The following DLG2 variants were observed in gnomAD, a reference collection of about 807,000 sequenced individuals.
DLG2 encodes disks large homolog 2.
A neutral mutation model predicts 132.5 loss-of-function variants in DLG2; 45 were observed. That is an observed-to-expected ratio of 0.34 (90% CI 0.27 to 0.44). The LOEUF is 0.44. Ranked by LOEUF, DLG2 falls within the 20% of genes least tolerant of loss-of-function variation. The pLI is 1.00. For missense variants in DLG2, 1,045 were observed against 1,196.9 expected (o/e 0.87, Z 1.87); for synonymous variants, 424 against 419.6 (o/e 1.01, Z -0.13).
intron 5 of DLG2, among the ~76,000 whole-genome samples, chr11:85,151,701 C>G (rs911632923): frequency 2.0e-5 from 3 of 152,098 alleles, no homozygotes; most frequent in Admixed American, 2.0e-4. Context: ...GCCATACATG[C>G]AAGGGTCTAT....
At chr11:83,769,532 G>C (rs1161530648) in intron 18 of DLG2, among the ~76,000 whole-genome samples, 1 of 151,456 alleles carries the variant, frequency 6.6e-6, no homozygotes, top group African/African-American at 2.4e-5. Context: ...GTTAGGGAAG[G>C]CTTCCTAGAG....
At chr11:85,558,731 G>A (rs1396858164) in intron 3 of DLG2, among the ~76,000 whole-genome samples, 2 of 151,770 alleles carry the variant, frequency 1.3e-5, no homozygotes, top group Non-Finnish European at 1.5e-5. Context: ...ATACATAGGA[G>A]CTGAATATTG....
intron 18 of DLG2, among the ~76,000 whole-genome samples, chr11:83,775,486 T>C (rs1411052863): frequency 6.6e-6 from 1 of 152,316 alleles, no homozygotes. Context: ...ATAACCTATA[T>C]CACAAGTTTT....
At chr11:85,062,936 A>G (rs1377382499) in intron 6 of DLG2, among the ~76,000 whole-genome samples, 5 of 151,822 alleles carry the variant, frequency 3.3e-5, no homozygotes, top group Non-Finnish European at 7.4e-5. Flanking sequence ...CTCTGCCAGC[A>G]GAGGTGGGGA....
At chr11:84,317,339 C>T (rs778144312) in intron 7 of DLG2, 4 of 1,406,468 alleles carry the variant, frequency 2.8e-6, no homozygotes, top group Non-Finnish European at 3.7e-6. Context: ...GCATTATCTG[C>T]GGGCTGGTAG....
chr11:83,559,261 T>C (rs1317363793), intron 19 of DLG2, among the ~76,000 whole-genome samples: 2 of 152,152 alleles, frequency 1.3e-5, no homozygotes, highest in Non-Finnish European at 2.9e-5. Flanking sequence ...TGCTTGGGTG[T>C]GCAGGGGGGA....
At chr11:84,669,027 T>C (rs1017615106) in intron 6 of DLG2, among the ~76,000 whole-genome samples, 6 of 151,960 alleles carry the variant, frequency 3.9e-5, no homozygotes, top group Admixed American at 2.6e-4. Flanking sequence ...GTATATCTGG[T>C]CTTGAGAAAT....
intron 4 of DLG2, among the ~76,000 whole-genome samples, chr11:85,163,986 G>C (rs559632646): frequency 2.6e-5 from 4 of 152,136 alleles, no homozygotes; most frequent in Non-Finnish European, 5.9e-5. Flanking sequence ...TTATTCCCCA[G>C]ATTGAAGCTT....
intron 22 of DLG2, among the ~76,000 whole-genome samples, chr11:83,477,787 C>T (rs2092737189): frequency 1.3e-5 from 2 of 151,888 alleles, no homozygotes; most frequent in South Asian, 4.1e-4. Context: ...ATAATTACAG[C>T]AAAAGCCAGG....
At chr11:85,245,527 C>A (rs1017706748) in intron 4 of DLG2, among the ~76,000 whole-genome samples, 1 of 152,018 alleles carries the variant, frequency 6.6e-6, no homozygotes, top group Non-Finnish European at 1.5e-5. Context: ...TGACCCACAC[C>A]ATTTCCAACC....
At position 85,111,713 on chromosome 11, in the gene DLG2, G is replaced by T; in HGVS notation, c.305C>A (p.Ala102Asp). ...TTTQNQGRCP[A>D]QNCSVEAPAW... ...AGGGGCTTCCACTGAACAATTCTGG[G>T]CTGGGCATCTGCCTTGGTTTTGCTG... Residue 102 changes from alanine to aspartate, a missense_variant, in exon 6 of 28, where the codon GCC becomes GAC. By Grantham distance (126) the Ala-to-Asp change is moderately radical. Coordinates refer to ENST00000376104, the MANE Select transcript of DLG2 (RefSeq NM_001142699.3). 6.4e-7 allele frequency: 1 copy of T among 1,561,064 alleles called. No homozygotes were observed.
chr11:84,354,739 G>A lies in DLG2; in HGVS notation c.520-103448C>T, dbSNP rs147427530. ...CAGCTCCCTAAAGAGTTGTGAAGCT[G>A]GTTATTGTACAGTTAGGCTCACTAC... On this transcript the variant is annotated intron_variant, in intron 7 of 27. Transcript: ENST00000376104. 5.0e-3 allele frequency among the ~76,000 whole-genome samples: 761 copies of A among 152,166 alleles called. 10 individuals carry two copies. Among genetic ancestry groups the A allele is most frequent in the African/African-American group, 0.013 (543 of 41,546 alleles).
At chr11:84,299,371 G>T (rs1283672942) in intron 7 of DLG2, among the ~76,000 whole-genome samples, 2 of 152,110 alleles carry the variant, frequency 1.3e-5, no homozygotes, top group Admixed American at 1.3e-4. Context: ...ACAGTTTATG[G>T]GAATGATAAC....
At chr11:83,805,460 T>C (rs558222570) in intron 17 of DLG2, among the ~76,000 whole-genome samples, 11 of 152,058 alleles carry the variant, frequency 7.2e-5, no homozygotes, top group African/African-American at 2.7e-4. Context: ...TATAATATTG[T>C]TCTTTTTGAT....
intron 3 of DLG2, among the ~76,000 whole-genome samples, chr11:85,423,244 T>C (rs2090457954): frequency 6.6e-6 from 1 of 152,156 alleles, no homozygotes; most frequent in Non-Finnish European, 1.5e-5. Flanking sequence ...GTCTACCAAG[T>C]ACTGAGGCTT....
intron 9 of DLG2, among the ~76,000 whole-genome samples, chr11:84,137,487 C>T (rs1046646780): frequency 6.6e-6 from 1 of 151,966 alleles, no homozygotes. Flanking sequence ...ATGCTGTCTG[C>T]ACATCTTGTG....
chr11:84,873,142 A>G (rs1028447934), intron 6 of DLG2, among the ~76,000 whole-genome samples: 11 of 152,228 alleles, frequency 7.2e-5, no homozygotes, highest in Admixed American at 2.0e-4. Context: ...TGGGAAGATT[A>G]TCATTAGCTT....
At chr11:84,573,737 A>C (rs2099491494) in intron 6 of DLG2, among the ~76,000 whole-genome samples, 1 of 152,178 alleles carries the variant, frequency 6.6e-6, no homozygotes, top group African/African-American at 2.4e-5. Context: ...ACCAGATGTC[A>C]TGGGGAGGAA....
At chr11:85,590,824 C>G (rs1565729007) in intron 3 of DLG2, among the ~76,000 whole-genome samples, 1 of 152,142 alleles carries the variant, frequency 6.6e-6, no homozygotes, top group South Asian at 2.1e-4. Context: ...CAAATTTTCA[C>G]TTATTATGTA....
Sources: gnomAD v4.1 joint callset for allele counts (sites outside exome capture counted in the v4.1 genomes callset) on GRCh38, gnomAD v4.1.1 for gene constraint, MANE v1.5 for transcripts, NCBI Gene and HGNC (gene_info 2026-07-23, HGNC 2026-07-21) for gene names.